TOX2: variants seen among roughly 807,000 people sequenced by gnomAD.
TOX2 encodes the protein granulosa cell HMG box 1.
A neutral mutation model predicts 47.4 loss-of-function variants in TOX2; 15 were observed. That is an observed-to-expected ratio of 0.32 (90% confidence interval 0.21 to 0.49). The LOEUF (loss-of-function observed/expected upper bound fraction) is 0.49. Ranked by LOEUF, TOX2 falls within the 20% of genes least tolerant of loss-of-function variation. The pLI is 0.99. For synonymous variants in TOX2, 290 were observed against 296.6 expected, an observed-to-expected ratio of 0.98 and a Z score of 0.23; for missense variants, 622 against 673.1, an observed-to-expected ratio of 0.92 and a Z score of 0.84.
chr20:43,989,971 A>G (rs772020743), intron 2 of TOX2, among the ~76,000 whole-genome samples: 1 of 151,966 alleles, frequency 6.6e-6, no homozygotes, highest in African/African-American at 2.4e-5. Flanking sequence ...AGTTCCCTCT[A>G]TTGGTTGTTG....
At chr20:44,021,933 G>A (rs917255708) in intron 3 of TOX2, among the ~76,000 whole-genome samples, 2 of 152,060 alleles carry the variant, frequency 1.3e-5, no homozygotes, top group African/African-American at 4.8e-5. Flanking sequence ...ACCACACCCA[G>A]CCTAACTGAC....
At chr20:43,926,051 G>T (rs915721899) in intron 1 of TOX2, among the ~76,000 whole-genome samples, 1 of 152,142 alleles carries the variant, frequency 6.6e-6, no homozygotes, top group Non-Finnish European at 1.5e-5. Flanking sequence ...TTCGAAGCTG[G>T]GCCTGATTTG....
chr20:43,917,957 G>T (rs1186043253), intron 1 of TOX2, among the ~76,000 whole-genome samples: 1 of 152,122 alleles, frequency 6.6e-6, no homozygotes, highest in African/African-American at 2.4e-5. Flanking sequence ...CTCCTTCTTT[G>T]CATTACAGAA....
At chr20:44,065,394 A>T (rs1357184413) in intron 6 of TOX2, among the ~76,000 whole-genome samples, 1 of 152,208 alleles carries the variant, frequency 6.6e-6, no homozygotes, top group East Asian at 1.9e-4. Flanking sequence ...AGGGAAAAAC[A>T]TCTACAAAGG....
chr20:44,018,493 G>A (rs1473457018), intron 3 of TOX2, among the ~76,000 whole-genome samples: 1 of 152,112 alleles, frequency 6.6e-6, no homozygotes, highest in East Asian at 1.9e-4. Flanking sequence ...ACCATGTTTG[G>A]GAAAATGAGC....
Position 44,065,995 on chromosome 20 carries a change from C to T in TOX2, c.1244C>T (p.Ala415Val), listed in dbSNP as rs1186695407. 1.2e-6 allele frequency: 2 copies of T among 1,612,972 alleles called. No individual in the cohort carries two copies. The highest frequency in any genetic ancestry group is 2.2e-5 in the East Asian group (1 of 44,880). The change falls in exon 7 of 9, where the codon GCC becomes GTC. Residue 415 changes from alanine (A) to valine (V), a missense_variant. By Grantham distance (64) the Ala-to-Val change is moderately conservative. Around this residue, in one of 3 missense-constraint regions of TOX2, gnomAD observed 294 missense variants for 300.0 expected, o/e 0.98. Coordinates refer to ENST00000341197, the MANE Select transcript of TOX2 (RefSeq NM_001098797.2). The stretch of plus-strand genomic sequence containing the variant: ...TCACTGCCCCCTCACGCCCAGGGCG[C>T]CCTCCTCAGTCCACCTGTTAGCATG... The part of the protein sequence containing the change: ...QLSLPPHAQG[A>V]LLSPPVSMSP...
At chr20:44,066,957 G>A (rs1207760386) in intron 8 of TOX2, 100 bp downstream of exon 8, 1 of 1,502,210 alleles carries the variant, frequency 6.7e-7, no homozygotes, top group African/African-American at 1.4e-5. Flanking sequence ...GTGGACAGGG[G>A]AGGACCCTGC....
intron 1 of TOX2, among the ~76,000 whole-genome samples, chr20:43,927,878 G>T (rs1307708789): frequency 1.3e-5 from 2 of 150,620 alleles, no homozygotes; most frequent in Non-Finnish European, 3.0e-5. Context: ...GGCAGGAACA[G>T]GTAATTAAGA....
At chr20:43,918,249 A>G (rs2069079126) in intron 1 of TOX2, among the ~76,000 whole-genome samples, 1 of 152,232 alleles carries the variant, frequency 6.6e-6, no homozygotes, top group African/African-American at 2.4e-5. Flanking sequence ...AGAACTGGGC[A>G]AGCCTGGGTT....
chr20:44,006,938 C>A lies in TOX2; in HGVS notation c.411+146C>A. 9 of 1,255,748 alleles carry A rather than the reference C, an allele frequency of 7.2e-6. No individual in the cohort carries two copies. The South Asian group carries it at 1.3e-4, about 18-fold the overall frequency. 77.8% of individuals were successfully genotyped at this position (1,255,748 alleles called of 1,614,324 possible). A position where few individuals can be genotyped will look rare whatever the true frequency, so the allele number is the denominator to read the frequency against. ...ACCTGGTTGCTTGGAGTTGGTAATCCCATGCTGGGATTACCTGGTAGCATG... is the reference window on the plus strand; with the variant it reads ...ACCTGGTTGCTTGGAGTTGGTAATCACATGCTGGGATTACCTGGTAGCATG... On this transcript the variant is annotated intron_variant, in intron 3 of 8. Transcript: ENST00000341197.
At chr20:43,991,406 A>G (rs1569071057) in intron 2 of TOX2, among the ~76,000 whole-genome samples, 1 of 152,194 alleles carries the variant, frequency 6.6e-6, no homozygotes, top group Non-Finnish European at 1.5e-5. Flanking sequence ...CTAAGCACCT[A>G]CTGTGCGTCA....
At chr20:43,941,604 A>T (rs182498979) in intron 1 of TOX2, among the ~76,000 whole-genome samples, 2 of 152,258 alleles carry the variant, frequency 1.3e-5, no homozygotes, top group Admixed American at 1.3e-4. Context: ...AAGTGTTGGG[A>T]TTACAGGCGC....
chr20:43,940,643 C>T (rs965622571), intron 1 of TOX2, among the ~76,000 whole-genome samples: 7 of 151,878 alleles, frequency 4.6e-5, no homozygotes, highest in South Asian at 2.1e-4. Flanking sequence ...GAGCCAGAGT[C>T]GCAGGGATGG....
intron 3 of TOX2, among the ~76,000 whole-genome samples, chr20:44,041,081 T>C (rs1002644924): frequency 6.6e-6 from 1 of 152,088 alleles, no homozygotes; most frequent in Non-Finnish European, 1.5e-5. Context: ...GGGCTGAGCA[T>C]GGATGTAGCC....
chr20:43,985,353 G>A (rs961961057), intron 2 of TOX2, among the ~76,000 whole-genome samples: 5 of 152,194 alleles, frequency 3.3e-5, no homozygotes, highest in Non-Finnish European at 5.9e-5. Flanking sequence ...AGAGGGCCCC[G>A]CAATGAGGCT....
rs1432033830 is a variant in TOX2, at chr20:44,051,439, T to C, written c.545T>C (p.Ile182Thr). Residue 182 changes from isoleucine (I) to threonine (T), a missense_variant, in exon 4 of 9, where the codon ATC (isoleucine) becomes ACC (threonine). Ile to Thr is a moderately conservative substitution (Grantham distance 89). This residue lies in a region of TOX2 where 307 missense variants were observed against 327.3 expected (regional missense o/e 0.94). Coordinates refer to ENST00000341197, the MANE Select transcript of TOX2 (RefSeq NM_001098797.2). Reference sequence around the variant, plus strand: ...TCCCAGCTCATCTCGCAGATGGGCATCCGGAGCAGCATCGCCCACAGCTCC... The same window carrying C: ...TCCCAGCTCATCTCGCAGATGGGCACCCGGAGCAGCATCGCCCACAGCTCC... ...SQSQLISQMGIRSSIAHSSPS... is the reference protein window; with the variant it reads ...SQSQLISQMGTRSSIAHSSPS... The C allele has an allele frequency of 1.4e-5, 23 of 1,614,036 alleles. No homozygotes were observed. Among genetic ancestry groups the C allele is most frequent in the Non-Finnish European group, 1.9e-5 (22 of 1,179,962 alleles).
intron 1 of TOX2, among the ~76,000 whole-genome samples, chr20:43,936,118 G>A (rs901973722): frequency 2.0e-5 from 3 of 152,074 alleles, no homozygotes; most frequent in Non-Finnish European, 4.4e-5. Context: ...CCTTGGCATG[G>A]CGTCTTGTCA....
At chr20:44,034,726 G>C (rs1192329140) in intron 3 of TOX2, among the ~76,000 whole-genome samples, 1 of 152,210 alleles carries the variant, frequency 6.6e-6, no homozygotes, top group Admixed American at 6.5e-5. Context: ...TCTCCTTCCA[G>C]GACTGGCATG....
chr20:43,991,440 G>A (rs1436112278), intron 2 of TOX2, among the ~76,000 whole-genome samples: 1 of 152,134 alleles, frequency 6.6e-6, no homozygotes, highest in African/African-American at 2.4e-5. Flanking sequence ...GTGCTGAGAC[G>A]AAACTGTGAA....
Sources: allele counts gnomAD v4.1 joint callset (sites outside exome capture counted in the v4.1 genomes callset), GRCh38; gene constraint gnomAD v4.1.1; regional missense constraint gnomAD v4.1.1; transcripts MANE v1.5; gene names NCBI Gene and HGNC (gene_info 2026-07-23, HGNC 2026-07-21).